The following PAPSS2 variants were observed in gnomAD, a reference collection of about 807,000 sequenced individuals.
PAPSS2 encodes the protein bifunctional 3'-phosphoadenosine 5'-phosphosulfate synthase 2.
PAPSS2 carries 61 observed loss-of-function variants against 66.5 expected under a neutral mutation model. That is an observed-to-expected ratio of 0.92 (90% CI 0.75 to 1.14). The LOEUF (loss-of-function observed/expected upper bound fraction) is 1.14. Among genes scored for constraint, PAPSS2 ranks in the 50% most tolerant of loss-of-function variants. The pLI is 0.00. For missense variants in PAPSS2, 708 were observed against 789.6 expected (o/e 0.90, Z 1.24); for synonymous variants, 289 against 287.5 (o/e 1.01, Z -0.05).
intron 1 of PAPSS2, among the ~76,000 whole-genome samples, chr10:87,703,016 G>A (rs1365823169): frequency 3.3e-5 from 5 of 152,100 alleles, no homozygotes; most frequent in Non-Finnish European, 5.9e-5. Context: ...CTCTTTCTGT[G>A]CCACCAATGG....
At chr10:87,685,598 C>T (rs562360034) in intron 1 of PAPSS2, among the ~76,000 whole-genome samples, 2 of 152,008 alleles carry the variant, frequency 1.3e-5, no homozygotes, top group South Asian at 4.2e-4. Flanking sequence ...GTGGGAGGAT[C>T]GCTTGAGCCT....
At chr10:87,700,061 G>A (rs1408032441) in intron 1 of PAPSS2, among the ~76,000 whole-genome samples, 1 of 151,984 alleles carries the variant, frequency 6.6e-6, no homozygotes, top group Non-Finnish European at 1.5e-5. Context: ...ATTTTAACGA[G>A]ATTAATGTTA....
At chr10:87,696,153 G>A (rs1188645713) in intron 1 of PAPSS2, among the ~76,000 whole-genome samples, 4 of 152,132 alleles carry the variant, frequency 2.6e-5, no homozygotes, top group Admixed American at 6.5e-5. Context: ...GGGTCCATTC[G>A]AGGGCAGGAT....
At chr10:87,734,688 T>TATATATACATATATATATATAC (rs1564727373) in intron 9 of PAPSS2, among the ~76,000 whole-genome samples, 2 of 127,330 alleles carry the variant, frequency 1.6e-5, no homozygotes, top group East Asian at 4.7e-4. Context: ...TATATATATA[T>TATATATACATATATATATATAC]ATATATATAT....
chr10:87,684,797 A>G (rs1853067063), intron 1 of PAPSS2, among the ~76,000 whole-genome samples: 1 of 152,154 alleles, frequency 6.6e-6, no homozygotes, highest in African/African-American at 2.4e-5. Context: ...GTGGCTTTAG[A>G]ATTGATTACC....
chr10:87,744,939 A>G (rs1853916994), intron 11 of PAPSS2, 63 bp from the exon 12 acceptor site: 2 of 1,415,516 alleles, frequency 1.4e-6, no homozygotes, highest in East Asian at 2.3e-5. Context: ...AGGTGTCTCC[A>G]TAAACCATGA....
At chr10:87,703,780 A>C (rs190615601) in intron 1 of PAPSS2, 2 of 518,904 alleles carry the variant, frequency 3.9e-6, no homozygotes, top group African/African-American at 3.8e-5. Context: ...GATTTTTGCA[A>C]AATTGTCTTA....
At chr10:87,691,868 A>G (rs886619315) in intron 1 of PAPSS2, among the ~76,000 whole-genome samples, 1 of 152,140 alleles carries the variant, frequency 6.6e-6, no homozygotes, top group Non-Finnish European at 1.5e-5. Flanking sequence ...AGGTGGGAAG[A>G]TCACTTGAGT....
At chr10:87,683,551 G>C (rs566549980) in intron 1 of PAPSS2, among the ~76,000 whole-genome samples, 2 of 152,266 alleles carry the variant, frequency 1.3e-5, no homozygotes, top group South Asian at 2.1e-4. Flanking sequence ...TCACGTGCAG[G>C]GTTCCTAGAA....
intron 8 of PAPSS2, among the ~76,000 whole-genome samples, chr10:87,725,884 T>TACACACACACACAC (rs60791274): frequency 0.046 from 6,443 of 140,322 alleles, 194 homozygotes; most frequent in East Asian, 0.076. Context: ...TATGTGTGTA[T>TACACACACACACAC]ACACACACAC....
At chr10:87,736,104 A>G (rs1175600990) in intron 9 of PAPSS2, among the ~76,000 whole-genome samples, 1 of 152,098 alleles carries the variant, frequency 6.6e-6, no homozygotes, top group Admixed American at 6.5e-5. Flanking sequence ...TTGTAAAACC[A>G]TTACATGTTT....
At chr10:87,683,173 A>G (rs1472575692) in intron 1 of PAPSS2, among the ~76,000 whole-genome samples, 2 of 139,462 alleles carry the variant, frequency 1.4e-5, no homozygotes, top group Admixed American at 1.6e-4. Context: ...GCTTACCACC[A>G]TCTCCCTCTC....
intron 1 of PAPSS2, among the ~76,000 whole-genome samples, chr10:87,701,271 CT>C (rs1853301852): frequency 1.9e-5 from 2 of 104,052 alleles, no homozygotes; most frequent in South Asian, 6.9e-4. Context: ...TCCTTTCTTC[CT>C]TTCTCTTTTT....
chr10:87,738,155 C>T (rs749971757), intron 9 of PAPSS2, among the ~76,000 whole-genome samples: 1 of 152,156 alleles, frequency 6.6e-6, no homozygotes, highest in Non-Finnish European at 1.5e-5. Flanking sequence ...CACCTCTTGG[C>T]TATTTGAATA....
At chr10:87,689,691 A>C (rs1375125968) in intron 1 of PAPSS2, among the ~76,000 whole-genome samples, 3 of 151,488 alleles carry the variant, frequency 2.0e-5, no homozygotes, top group African/African-American at 7.3e-5. Context: ...AAGAAAAAAA[A>C]AAAGAACTGG....
In PAPSS2 at chr10:87,745,171, C is replaced by T; in HGVS notation, c.1661C>T (p.Pro554Leu). 1 of 1,614,108 alleles carries T rather than the reference C, an allele frequency of 6.2e-7. No homozygotes were observed. The part of the protein sequence containing the change: ...APGLTSVEII[P>L]FRVAAYNKAK... ...GGCCTCACCTCTGTGGAAATCATTC[C>T]ATTCCGAGTGGCTGCCTACAACAAA... Residue 554 changes from proline (P) to leucine (L), a missense_variant, in exon 12 of 13, where the codon CCA (proline) becomes CTA (leucine). Coordinates refer to ENST00000456849, the MANE Select transcript of PAPSS2 (RefSeq NM_001015880.2).
chr10:87,720,623 A>G (rs1191392435), intron 7 of PAPSS2, among the ~76,000 whole-genome samples: 1 of 152,188 alleles, frequency 6.6e-6, no homozygotes, highest in African/African-American at 2.4e-5. Context: ...TCTGAAAGCA[A>G]CATTGTTTTT....
chr10:87,662,244 A>T (rs1353215235), intron 1 of PAPSS2, among the ~76,000 whole-genome samples: 1 of 152,148 alleles, frequency 6.6e-6, no homozygotes, highest in Non-Finnish European at 1.5e-5. Context: ...GCCAGGTGGT[A>T]TACTGGGTGG....
intron 8 of PAPSS2, among the ~76,000 whole-genome samples, chr10:87,727,011 C>T (rs1002063436): frequency 3.9e-5 from 6 of 152,186 alleles, no homozygotes; most frequent in Non-Finnish European, 8.8e-5. Context: ...CACAAAGAGG[C>T]GTTTCCAAAG....
Sources: allele counts gnomAD v4.1 joint callset (sites outside exome capture counted in the v4.1 genomes callset), GRCh38; gene constraint gnomAD v4.1.1; transcripts MANE v1.5; gene names NCBI Gene and HGNC (gene_info 2026-07-23, HGNC 2026-07-21).